Variants in DDRGK1 observed in about 807,000 individuals in gnomAD.
DDRGK1 encodes the protein DDRGK domain-containing protein 1.
In DDRGK1, 38 loss-of-function variants were observed where a neutral mutation model predicts 45.8. The observed-to-expected ratio is 0.83, with a 90% CI of 0.64 to 1.09. The LOEUF (loss-of-function observed/expected upper bound fraction) is 1.09. Ranked by LOEUF, DDRGK1 falls within the 50% of genes least tolerant of loss-of-function variation. The pLI is 0.00. For missense variants in DDRGK1, 403 were observed against 419.9 expected, an observed-to-expected ratio of 0.96 and a Z score of 0.35; for synonymous variants, 171 against 168.7, an observed-to-expected ratio of 1.01 and a Z score of -0.11.
chr20:3,192,327 A>G (rs2066993121), intron 6 of DDRGK1, among the ~76,000 whole-genome samples: 1 of 152,196 alleles, frequency 6.6e-6, no homozygotes, highest in African/African-American at 2.4e-5. Flanking sequence ...GGAGGGACAC[A>G]TGCTGAACAA....
intron 4 of DDRGK1, 76 bp from the exon 5 acceptor site, chr20:3,195,429 T>C: frequency 6.6e-7 from 1 of 1,509,200 alleles, no homozygotes; most frequent in Non-Finnish European, 8.8e-7. Flanking sequence ...CTGCTACCCC[T>C]GCAGGACACC....
chr20:3,204,502 G>A (rs752066764), intron 1 of DDRGK1, 35 bp downstream of exon 1: 5 of 1,536,682 alleles, frequency 3.3e-6, no homozygotes, highest in East Asian at 2.4e-5. Flanking sequence ...CAGAAAACCC[G>A]GTACCACCAA....
At chr20:3,192,033 T>C (rs6051628) in intron 6 of DDRGK1, among the ~76,000 whole-genome samples, 9,941 of 145,900 alleles carry the variant, frequency 0.068, 466 homozygotes, top group African/African-American at 0.13. Context: ...ACCCGCACAA[T>C]CATAAACCCT....
intron 5 of DDRGK1, 76 bp from the exon 6 acceptor site, chr20:3,194,944 A>G: frequency 1.3e-6 from 2 of 1,571,910 alleles, no homozygotes; most frequent in South Asian, 1.1e-5. Flanking sequence ...CCCAAGTACC[A>G]CCTGCTCACT....
chr20:3,193,963 C>T (rs559623848), intron 6 of DDRGK1, among the ~76,000 whole-genome samples: 1 of 152,276 alleles, frequency 6.6e-6, no homozygotes, highest in African/African-American at 2.4e-5. Flanking sequence ...TCAAGTGTGC[C>T]AGGGTAGAGA....
chr20:3,190,589 AG>A lies in DDRGK1; in HGVS notation c.*63del. 6.4e-7 allele frequency: 1 copy of A among 1,574,120 alleles called. No homozygotes were observed. Among genetic ancestry groups the A allele is most frequent in the Non-Finnish European group, 8.7e-7 (1 of 1,152,152 alleles). On this transcript the variant is annotated 3_prime_UTR_variant, in exon 9 of 9. Transcript: ENST00000354488. ...CCATCACTTCCCCAGGATGGTGGGG[AG>A]GGATGAAGATGTATAGCCAGGTAGG...
intron 6 of DDRGK1, 151 bp from the exon 7 acceptor site, chr20:3,191,972 G>GACAC (rs150309651): frequency 0.28 from 158,151 of 555,304 alleles, 10,408 homozygotes; most frequent in African/African-American, 0.31. Context: ...TTGCTCCCCT[G>GACAC]ACACACACAC....
At chr20:3,194,640 C>A (rs886136687) in intron 6 of DDRGK1, among the ~76,000 whole-genome samples, 190 bp downstream of exon 6, 1 of 152,242 alleles carries the variant, frequency 6.6e-6, no homozygotes, top group Admixed American at 6.5e-5. Flanking sequence ...AGACCCAGGT[C>A]CTTCTCCACC....
At position 3,191,670 on chromosome 20, in the gene DDRGK1, C is replaced by T. The variant is rs189259386; in HGVS notation, c.729+95G>A. On this transcript the variant is annotated intron_variant, in intron 7 of 8. Coordinates refer to ENST00000354488, the MANE Select transcript of DDRGK1 (RefSeq NM_023935.3). ...CACTCTTGGTTGGGGACAAGGTAGA[C>T]GGTGCATCAAGACTCTATCTTTAGG... The T allele has an allele frequency of 5.6e-4, 768 of 1,360,082 alleles. 4 individuals carry two copies. In the African/African-American group the frequency reaches 8.5e-3, roughly 15 times the overall value. The allele number at this position is 1,360,082 out of a possible 1,614,324, so 84.3% of individuals were successfully genotyped here. A position where few individuals can be genotyped will look rare whatever the true frequency, so the allele number is the denominator to read the frequency against.
Position 3,190,585 on chromosome 20 carries a change from G to A in DDRGK1, c.*68C>T, listed in dbSNP as rs2066984987. 6.4e-7 allele frequency: 1 copy of A among 1,568,852 alleles called. No homozygotes were observed. Among genetic ancestry groups the A allele is most frequent in the Non-Finnish European group, 8.7e-7 (1 of 1,148,310 alleles). ...CACACCATCACTTCCCCAGGATGGT[G>A]GGGAGGGATGAAGATGTATAGCCAG... On this transcript the variant is annotated 3_prime_UTR_variant, in exon 9 of 9. Coordinates refer to ENST00000354488, the MANE Select transcript of DDRGK1 (RefSeq NM_023935.3).
intron 2 of DDRGK1, among the ~76,000 whole-genome samples, chr20:3,200,706 G>T (rs951816108): frequency 6.6e-6 from 1 of 152,206 alleles, no homozygotes; most frequent in Non-Finnish European, 1.5e-5. Context: ...GGCCGGGCAC[G>T]GTGGCTGAAG....
intron 1 of DDRGK1, among the ~76,000 whole-genome samples, chr20:3,203,633 ACTC>A (rs1279910351): frequency 6.6e-6 from 1 of 150,550 alleles, no homozygotes; most frequent in African/African-American, 2.5e-5. Flanking sequence ...CTGTGTGAAT[ACTC>A]CTCTCCCCTC....
At position 3,200,067 on chromosome 20, in the gene DDRGK1, G is replaced by C. The variant is rs41281848; in HGVS notation, c.444C>G (p.Leu148=). 475 of 1,613,882 alleles carry C rather than the reference G, an allele frequency of 2.9e-4. No individual in the cohort carries two copies. The highest frequency in any genetic ancestry group is 4.9e-4 in the Middle Eastern group (3 of 6,062). ...TCCACTCAGCTTCGCGCTGGGACTC[G>C]AGTCGTTTCCGCTCCTCACGTTCAG... ...EEAEREERKR[L]ESQREAEWKK... is the part of the protein sequence containing the mutation. Residue 148 remains leucine (L), a synonymous_variant, in exon 4 of 9, where the codon CTC becomes CTG. Transcript: ENST00000354488.
chr20:3,195,936 C>T (rs2067008175), intron 4 of DDRGK1, among the ~76,000 whole-genome samples: 1 of 152,126 alleles, frequency 6.6e-6, no homozygotes, highest in Admixed American at 6.6e-5. Flanking sequence ...ATCCCACCCT[C>T]TCCTGGATTT....
At chr20:3,197,671 T>C (rs1263534301) in intron 4 of DDRGK1, among the ~76,000 whole-genome samples, 1 of 151,962 alleles carries the variant, frequency 6.6e-6, no homozygotes, top group Non-Finnish European at 1.5e-5. Context: ...GGCTCACACA[T>C]GTAATCCCAG....
intron 8 of DDRGK1, 42 bp from the exon 9 acceptor site, chr20:3,190,861 G>A (rs375033804): frequency 6.3e-5 from 99 of 1,574,388 alleles, no homozygotes; most frequent in Admixed American, 3.1e-4. Context: ...CCTCCTGGGC[G>A]TTCCCCATCT....
At chr20:3,190,982 G>A (rs2295546) in intron 8 of DDRGK1, among the ~76,000 whole-genome samples, 163 bp from the exon 9 acceptor site, 45,971 of 151,986 alleles carry the variant, frequency 0.3, 7,098 homozygotes, top group South Asian at 0.44. Context: ...GTCGAATCAG[G>A]CTGCCCTGCC....
chr20:3,200,598 A>T (rs1462314527), intron 2 of DDRGK1, 144 bp from the exon 3 acceptor site: 13 of 693,272 alleles, frequency 1.9e-5, no homozygotes, highest in Middle Eastern at 2.8e-4. Context: ...TGCCCTCCAG[A>T]GGCATCTGCC....
intron 2 of DDRGK1, among the ~76,000 whole-genome samples, chr20:3,202,040 C>T (rs1388206471): frequency 1.3e-5 from 2 of 150,444 alleles, no homozygotes; most frequent in South Asian, 2.1e-4. Flanking sequence ...AGTGCAGTGG[C>T]GCGATCTCGG....
Sources: allele counts gnomAD v4.1 joint callset (sites outside exome capture counted in the v4.1 genomes callset), GRCh38; gene constraint gnomAD v4.1.1; transcripts MANE v1.5; gene names NCBI Gene and HGNC (gene_info 2026-07-23, HGNC 2026-07-21).